CNTNAP5: variants seen among roughly 807,000 people sequenced by gnomAD.
CNTNAP5 encodes the protein contactin associated protein family member 5.
Under a neutral mutation model 150.2 loss-of-function variants are expected in CNTNAP5, and 72 were observed. That is an observed-to-expected ratio of 0.48 (90% CI 0.40 to 0.58). The LOEUF (loss-of-function observed/expected upper bound fraction) is 0.58, where lower values mean the gene tolerates loss of function less well. Ranked by LOEUF, CNTNAP5 falls within the 20% of genes least tolerant of loss-of-function variation. The pLI, the probability that CNTNAP5 is intolerant of heterozygous loss-of-function variation, is 0.00. For missense variants in CNTNAP5, 1,636 were observed against 1,626.2 expected, an observed-to-expected ratio of 1.01 and a Z score of -0.10; for synonymous variants, 672 against 619.8, an observed-to-expected ratio of 1.08 and a Z score of -1.25.
intron 9 of CNTNAP5, among the ~76,000 whole-genome samples, chr2:124,526,092 A>G (rs1038698443): frequency 1.2e-4 from 18 of 152,334 alleles, no homozygotes; most frequent in African/African-American, 4.1e-4. Context: ...TTTGTAAATA[A>G]TTCTGATACA....
At chr2:124,201,597 G>C (rs1235577770) in intron 1 of CNTNAP5, among the ~76,000 whole-genome samples, 1 of 152,230 alleles carries the variant, frequency 6.6e-6, no homozygotes, top group Non-Finnish European at 1.5e-5. Context: ...CCATTCTGGT[G>C]TACAGAGTAA....
intron 3 of CNTNAP5, among the ~76,000 whole-genome samples, chr2:124,332,286 AC>A (rs892227849): frequency 4.0e-5 from 6 of 151,484 alleles, no homozygotes; most frequent in Non-Finnish European, 7.4e-5. Context: ...TCTCACCAAA[AC>A]ACACTTCTTA....
chr2:124,587,734 C>T (rs2104955811), intron 11 of CNTNAP5, among the ~76,000 whole-genome samples: 1 of 152,122 alleles, frequency 6.6e-6, no homozygotes, highest in East Asian at 1.9e-4. Context: ...TAATCAGCCT[C>T]CAAAAATTAT....
intron 19 of CNTNAP5, among the ~76,000 whole-genome samples, chr2:124,859,803 G>A (rs538028620): frequency 0.035 from 5,376 of 151,972 alleles, 320 homozygotes; most frequent in African/African-American, 0.12. Flanking sequence ...GCAAACTATC[G>A]CAAGGACAAA....
rs1203849945 is a variant in CNTNAP5, at chr2:124,189,201, AAAC to A, written c.83-32501_83-32499del. Among the ~76,000 whole-genome samples the A allele has an allele frequency of 2.0e-5, 3 of 152,230 alleles. No homozygotes were observed. The East Asian group carries it at 5.8e-4, about 29-fold the overall frequency. ...GGTGTTGGAGATACAGCAGTAAACA[AAAC>A]AATTAATTTCTGATCTTGTGGAGCT... On this transcript the variant is annotated intron_variant, in intron 1 of 23. Transcript: ENST00000682447.
At chr2:124,074,006 A>G (rs950128060) in intron 1 of CNTNAP5, among the ~76,000 whole-genome samples, 3 of 152,192 alleles carry the variant, frequency 2.0e-5, no homozygotes, top group Admixed American at 1.3e-4. Flanking sequence ...CTATTTATAC[A>G]TAAAAAAGAA....
At chr2:124,673,889 T>A (rs1005714353) in intron 13 of CNTNAP5, among the ~76,000 whole-genome samples, 1 of 152,126 alleles carries the variant, frequency 6.6e-6, no homozygotes, top group African/African-American at 2.4e-5. Context: ...TTAAATGTAC[T>A]CACAAAAATG....
chr2:124,660,484 T>C (rs1678564616), intron 13 of CNTNAP5, among the ~76,000 whole-genome samples: 1 of 152,216 alleles, frequency 6.6e-6, no homozygotes, highest in Admixed American at 6.5e-5. Context: ...AATAGCCCCA[T>C]GTTAAATATA....
chr2:124,072,440 CTTTG>C (rs1474749113), intron 1 of CNTNAP5, among the ~76,000 whole-genome samples: 1 of 151,832 alleles, frequency 6.6e-6, no homozygotes, highest in Non-Finnish European at 1.5e-5. Flanking sequence ...AATCAAAGTA[CTTTG>C]TTTGCAGACA....
At chr2:124,279,579 GAC>G (rs1341000706) in intron 3 of CNTNAP5, among the ~76,000 whole-genome samples, 1 of 152,036 alleles carries the variant, frequency 6.6e-6, no homozygotes, top group Non-Finnish European at 1.5e-5. Context: ...TCTTATTGAA[GAC>G]ACAGATTCTG....
At chr2:124,339,322 G>A (rs1247299691) in intron 3 of CNTNAP5, among the ~76,000 whole-genome samples, 1 of 152,096 alleles carries the variant, frequency 6.6e-6, no homozygotes, top group Non-Finnish European at 1.5e-5. Context: ...TATTTTATAT[G>A]TCTCCAGTGC....
chr2:124,421,068 C>A lies in CNTNAP5; in HGVS notation c.529+3478C>A, dbSNP rs185409394. ...CTCGTTTTTCCTCCTATCTCACTTG[C>A]TAATTGGCTATCTCAGTTTGCTAAT... is the stretch of plus-strand genomic sequence containing the variant. On this transcript the variant is annotated intron_variant, in intron 4 of 23. Coordinates refer to ENST00000682447, the MANE Select transcript of CNTNAP5 (RefSeq NM_001367498.1). Among the ~76,000 whole-genome samples the A allele has an allele frequency of 1.9e-3, 286 of 152,216 alleles. 1 individual carries two copies. The highest frequency in any genetic ancestry group is 3.2e-3 in the Admixed American group (49 of 15,290).
At chr2:124,857,261 T>C (rs886264766) in intron 19 of CNTNAP5, among the ~76,000 whole-genome samples, 1 of 152,038 alleles carries the variant, frequency 6.6e-6, no homozygotes, top group Non-Finnish European at 1.5e-5. Flanking sequence ...AGTGTTGCAA[T>C]TGGAAACAAA....
chr2:124,235,998 C>T (rs1686737279), intron 2 of CNTNAP5, among the ~76,000 whole-genome samples: 1 of 151,902 alleles, frequency 6.6e-6, no homozygotes, highest in Admixed American at 6.6e-5. Flanking sequence ...TGAAGTCCCA[C>T]TCTGTTGCCC....
In CNTNAP5 at chr2:124,798,290, G is replaced by A. The variant is rs1332923534; in HGVS notation, c.3187G>A (p.Asp1063Asn). ...LLLFINSSSQ[D>N]FVVVLLCKNG... Reference sequence around the variant, plus strand: ...GCTCTTTATCAATTCTTCTTCTCAGGACTTCGTGGTTGTTCTGCTCTGCAA... The same window carrying A: ...GCTCTTTATCAATTCTTCTTCTCAGAACTTCGTGGTTGTTCTGCTCTGCAA... The change falls in exon 19 of 24, where the codon GAC becomes AAC. Residue 1063 changes from aspartate (D) to asparagine (N), a missense_variant. Transcript: ENST00000682447. 6.2e-7 allele frequency: 1 copy of A among 1,613,636 alleles called. No individual in the cohort carries two copies. Among genetic ancestry groups the A allele is most frequent in the Non-Finnish European group, 8.5e-7 (1 of 1,179,612 alleles).
chr2:124,624,493 A>AT (rs1677679431), intron 12 of CNTNAP5, among the ~76,000 whole-genome samples: 2 of 151,412 alleles, frequency 1.3e-5, no homozygotes, highest in Admixed American at 6.6e-5. Flanking sequence ...TTCCTCATTT[A>AT]TTTTTTCAGG....
intron 11 of CNTNAP5, among the ~76,000 whole-genome samples, chr2:124,592,931 T>G (rs2104962254): frequency 6.6e-6 from 1 of 152,030 alleles, no homozygotes; most frequent in East Asian, 1.9e-4. Context: ...TCTTTTGCCA[T>G]TCAAAAATGT....
At chr2:124,516,509 C>T (rs991834121) in intron 8 of CNTNAP5, among the ~76,000 whole-genome samples, 31 of 152,208 alleles carry the variant, frequency 2.0e-4, no homozygotes, top group African/African-American at 7.2e-4. Context: ...TCTAAATTTC[C>T]GGAAATTTTT....
At chr2:124,682,285 T>A (rs769339718) in intron 13 of CNTNAP5, among the ~76,000 whole-genome samples, 14 of 152,146 alleles carry the variant, frequency 9.2e-5, no homozygotes, top group Non-Finnish European at 2.1e-4. Context: ...ATCGCAACCT[T>A]ATGCAGCTGA....
Sources: gnomAD v4.1 joint callset for allele counts (sites outside exome capture counted in the v4.1 genomes callset) on GRCh38, gnomAD v4.1.1 for gene constraint, MANE v1.5 for transcripts, NCBI Gene and HGNC (gene_info 2026-07-23, HGNC 2026-07-21) for gene names.